Variants in ARHGAP24 observed in about 807,000 individuals in gnomAD.
ARHGAP24 encodes the protein rho GTPase-activating protein 24.
A neutral mutation model predicts 76.4 loss-of-function variants in ARHGAP24; 50 were observed. That is an observed-to-expected ratio of 0.65 (90% CI 0.52 to 0.83). The LOEUF (loss-of-function observed/expected upper bound fraction) is 0.83. Among genes scored for constraint, ARHGAP24 ranks in the 40% least tolerant of loss-of-function variants. ARHGAP24 has a pLI of 0.00. For synonymous variants in ARHGAP24, 345 were observed against 323.3 expected (o/e 1.07, Z -0.72); for missense variants, 930 against 914.2 (o/e 1.02, Z -0.22).
At position 85,956,636 on chromosome 4, in the gene ARHGAP24, G is replaced by A. The variant is rs557950215; in HGVS notation, c.599+14363G>A. On this transcript the variant is annotated intron_variant, in intron 5 of 9. Transcript: ENST00000395184. ...AAGCCGTGGGTCATGGAAGAGAACC[G>A]TGGAACCCAGTGACTAGTGTTCAGC... is the stretch of plus-strand genomic sequence containing the variant. Among the ~76,000 whole-genome samples the A allele has an allele frequency of 2.0e-5, 3 of 152,296 alleles. No homozygotes were observed. In the East Asian group the frequency reaches 5.8e-4, roughly 29 times the overall value.
At chr4:85,976,649 A>T (rs916094031) in intron 7 of ARHGAP24, among the ~76,000 whole-genome samples, 1 of 152,226 alleles carries the variant, frequency 6.6e-6, no homozygotes, top group South Asian at 2.1e-4. Flanking sequence ...ATGCTGAAAG[A>T]TTATGAAAAC....
chr4:85,990,529 A>T (rs976427877), intron 8 of ARHGAP24: 3 of 151,494 alleles, frequency 2.0e-5, no homozygotes, highest in Non-Finnish European at 3.0e-5. Context: ...TGATTTCAAG[A>T]CTTAGTATAA....
intron 2 of ARHGAP24, among the ~76,000 whole-genome samples, chr4:85,644,280 A>C (rs1244358096): frequency 6.6e-6 from 1 of 152,186 alleles, no homozygotes; most frequent in Non-Finnish European, 1.5e-5. Flanking sequence ...TAGCATGATT[A>C]GTACTTGGAG....
At chr4:85,947,331 G>T (rs1272887926) in intron 5 of ARHGAP24, among the ~76,000 whole-genome samples, 1 of 152,050 alleles carries the variant, frequency 6.6e-6, no homozygotes, top group African/African-American at 2.4e-5. Flanking sequence ...AAGTTCTCTA[G>T]TTTAATTAGG....
chr4:85,664,084 T>A (rs1272930404), intron 2 of ARHGAP24, among the ~76,000 whole-genome samples: 1 of 151,452 alleles, frequency 6.6e-6, no homozygotes, highest in African/African-American at 2.5e-5. Flanking sequence ...TCAGAAGGAA[T>A]GGTACCAGTT....
rs1560591760 is a variant in ARHGAP24, at chr4:85,700,415, AT to A, written c.181-21469del. ...TGTCTAAAAAAAAAAAAATAAATAAATAAAGAAGAAGAAGAAAATGGAGCCA... is the reference window on the plus strand; with the variant it reads ...TGTCTAAAAAAAAAAAAATAAATAAAAAAGAAGAAGAAGAAAATGGAGCCA... On this transcript the variant is annotated intron_variant, in intron 2 of 9. Coordinates refer to ENST00000395184, the MANE Select transcript of ARHGAP24 (RefSeq NM_001025616.3). Among the ~76,000 whole-genome samples the A allele has an allele frequency of 3.1e-3, 103 of 33,708 alleles. 3 individuals are homozygous for A. The highest frequency in any genetic ancestry group is 7.1e-3 in the East Asian group (7 of 986). The allele number at this position is 33,708 out of a possible 152,430, so 22.1% of individuals were successfully genotyped here.
chr4:85,856,765 C>T (rs1467084757), intron 3 of ARHGAP24, among the ~76,000 whole-genome samples: 2 of 152,126 alleles, frequency 1.3e-5, no homozygotes, highest in South Asian at 2.1e-4. Context: ...CCACCGCGCC[C>T]GGCTGGAAAT....
intron 3 of ARHGAP24, among the ~76,000 whole-genome samples, chr4:85,815,893 C>T (rs944914124): frequency 2.0e-5 from 3 of 152,152 alleles, no homozygotes; most frequent in Admixed American, 6.5e-5. Flanking sequence ...TATGGCTTCA[C>T]GTGGCTGGGG....
chr4:85,491,315 T>C (rs920164193), intron 1 of ARHGAP24, among the ~76,000 whole-genome samples: 13 of 152,196 alleles, frequency 8.5e-5, no homozygotes, highest in Non-Finnish European at 1.9e-4. Flanking sequence ...TTAAGAAAAA[T>C]AACAATTTTG....
chr4:85,894,974 A>AG (rs199958793), intron 3 of ARHGAP24, among the ~76,000 whole-genome samples: 3 of 39,194 alleles, frequency 7.7e-5, no homozygotes, highest in African/African-American at 2.5e-4. Context: ...AAAAAAAAAA[A>AG]AAAAAAAAAA....
chr4:85,736,839 C>G (rs1725624412), intron 3 of ARHGAP24, among the ~76,000 whole-genome samples: 1 of 152,164 alleles, frequency 6.6e-6, no homozygotes, highest in Non-Finnish European at 1.5e-5. Context: ...TGTCTGTAAA[C>G]TAGTGTCACC....
intron 3 of ARHGAP24, among the ~76,000 whole-genome samples, chr4:85,917,927 C>T (rs571911494): frequency 1.3e-5 from 2 of 152,060 alleles, no homozygotes; most frequent in East Asian, 3.9e-4. Flanking sequence ...CTTTAATGCA[C>T]GTAATAGTAG....
rs1297735667 is a variant in ARHGAP24, at chr4:85,542,440, C to T, written c.-20-28082C>T. ...GCCTAGCGCATGGTCCCATCTTTCT[C>T]CTCTCAGTCCCCTTGCCACAGGCCA... On this transcript the variant is annotated intron_variant, in intron 1 of 9. Transcript: ENST00000395184. Among the ~76,000 whole-genome samples, 6 of 152,296 alleles carry T rather than the reference C, an allele frequency of 3.9e-5. No homozygotes were observed. The East Asian group carries it at 1.2e-3, about 29-fold the overall frequency.
chr4:85,920,768 A>T (rs1420384709), intron 3 of ARHGAP24, among the ~76,000 whole-genome samples: 1 of 152,256 alleles, frequency 6.6e-6, no homozygotes, highest in Non-Finnish European at 1.5e-5. Flanking sequence ...ATCATATGAA[A>T]AAAAGCTCAA....
chr4:85,779,680 A>AT (rs1202118420), intron 3 of ARHGAP24, among the ~76,000 whole-genome samples: 1 of 151,930 alleles, frequency 6.6e-6, no homozygotes, highest in Non-Finnish European at 1.5e-5. Flanking sequence ...GAAGAGTGAA[A>AT]TTTTCAAAAA....
intron 2 of ARHGAP24, among the ~76,000 whole-genome samples, chr4:85,573,880 C>A (rs992381056): frequency 6.6e-6 from 1 of 152,214 alleles, no homozygotes; most frequent in African/African-American, 2.4e-5. Context: ...TAGTCCTCAA[C>A]TTTCCTTTAC....
intron 1 of ARHGAP24, among the ~76,000 whole-genome samples, chr4:85,535,022 C>G (rs1294402056): frequency 1.3e-5 from 2 of 151,772 alleles, no homozygotes; most frequent in South Asian, 4.2e-4. Flanking sequence ...GAATGTCCCT[C>G]AAGATAAAGA....
intron 2 of ARHGAP24, among the ~76,000 whole-genome samples, chr4:85,634,682 A>T (rs532754986): frequency 5.9e-5 from 9 of 151,898 alleles, no homozygotes; most frequent in African/African-American, 2.2e-4. Flanking sequence ...CTTTGATGAA[A>T]CTACCACTAC....
intron 3 of ARHGAP24, chr4:85,779,010 G>A (rs756251112): frequency 6.1e-6 from 6 of 984,846 alleles, no homozygotes; most frequent in South Asian, 4.7e-5. Flanking sequence ...ATTTGTTTTG[G>A]GGACAAGTAT....
Sources: gnomAD v4.1 joint callset for allele counts (sites outside exome capture counted in the v4.1 genomes callset) on GRCh38, gnomAD v4.1.1 for gene constraint, MANE v1.5 for transcripts, NCBI Gene and HGNC (gene_info 2026-07-23, HGNC 2026-07-21) for gene names.